DYNC2I2: variants seen among roughly 807,000 people sequenced by gnomAD.
The protein encoded by DYNC2I2 is cytoplasmic dynein 2 intermediate chain 2.
A neutral mutation model predicts 52.0 loss-of-function variants in DYNC2I2; 39 were observed. The observed-to-expected ratio is 0.75, with a 90% CI of 0.58 to 0.98. The LOEUF (loss-of-function observed/expected upper bound fraction) is 0.98, where lower values mean the gene tolerates loss of function less well. Among genes scored for constraint, DYNC2I2 ranks in the 50% least tolerant of loss-of-function variants. DYNC2I2 has a pLI of 0.00. For synonymous variants in DYNC2I2, 359 were observed against 321.1 expected (o/e 1.12, Z -1.26); for missense variants, 743 against 728.4 (o/e 1.02, Z -0.23).
chr9:128,672,468 A>T, the DYNC2I2 span, among the ~76,000 whole-genome samples: 1 of 151,834 alleles, frequency 6.6e-6, no homozygotes, highest in Non-Finnish European at 1.5e-5. Context: ...TGCTGAGATT[A>T]CAGTTGTGAG....
Position 128,636,393 on chromosome 9 carries a change from G to C in DYNC2I2, c.591C>G (p.Ala197=). The C allele has an allele frequency of 1.9e-6, 3 of 1,610,780 alleles. No individual in the cohort carries two copies. The highest frequency in any genetic ancestry group is 2.2e-5 in the East Asian group (1 of 44,802). ...GCAGGTCTCGCCGGTCCAGGTTCCAGGCACACACGAAGGACTTAAGCGTGC... is the reference window on the plus strand; with the variant it reads ...GCAGGTCTCGCCGGTCCAGGTTCCACGCACACACGAAGGACTTAAGCGTGC... ...DWSTLKSFVC[A]WNLDRRDLRP... Residue 197 remains alanine, a synonymous_variant, in exon 4 of 9, where the codon GCC becomes GCG. Transcript: ENST00000372715.
At chr9:128,669,851 T>C in the DYNC2I2 span, among the ~76,000 whole-genome samples, 1 of 152,176 alleles carries the variant, frequency 6.6e-6, no homozygotes, top group African/African-American at 2.4e-5. Context: ...CTTATATTTT[T>C]TGTATTTTTA....
chr9:128,658,258 C>A (rs1419569637), upstream of DYNC2I2, among the ~76,000 whole-genome samples: 1 of 151,774 alleles, frequency 6.6e-6, no homozygotes, highest in Admixed American at 6.6e-5. Flanking sequence ...CTCCACCTCC[C>A]CAGTTCAAGC....
At position 128,636,201 on chromosome 9, in the gene DYNC2I2, T is replaced by C. The variant is rs1860408506; in HGVS notation, c.703+80A>G. The C allele has an allele frequency of 2.6e-6, 4 of 1,544,408 alleles. 1 individual carries two copies. Among genetic ancestry groups the C allele is most frequent in the South Asian group, 2.4e-5 (2 of 83,928 alleles). ...TCCTGTCTCCGGGCCAAAGGGCCCA[T>C]GGAAAGCTCCCTTGTGCCCTCTGCA... On this transcript the variant is annotated intron_variant, in intron 4 of 8. Transcript: ENST00000372715.
At chr9:128,636,161 G>A in intron 4 of DYNC2I2, 120 bp downstream of exon 4, 1 of 1,438,018 alleles carries the variant, frequency 7.0e-7, no homozygotes, top group Non-Finnish European at 9.6e-7. Context: ...AGACTGAGAG[G>A]GTCAGGGCCC....
At chr9:128,656,858 C>A, upstream of DYNC2I2, 3 of 928,484 alleles carry the variant, frequency 3.2e-6, no homozygotes, top group Non-Finnish European at 1.5e-6. Flanking sequence ...TCCTGCAAGA[C>A]CTGGAAGAAA....
upstream of DYNC2I2, among the ~76,000 whole-genome samples, chr9:128,661,528 G>A (rs373941395): frequency 2.2e-4 from 33 of 152,170 alleles, no homozygotes; most frequent in South Asian, 6.8e-3. Flanking sequence ...TGAGGCAGGA[G>A]AATCGCTTGA....
At chr9:128,668,234 C>G in the DYNC2I2 span, among the ~76,000 whole-genome samples, 2 of 147,926 alleles carry the variant, frequency 1.4e-5, no homozygotes, top group East Asian at 4.1e-4. Context: ...GCTGGGATTA[C>G]AGGCGTGAGC....
chr9:128,635,554 C>G, intron 5 of DYNC2I2, 104 bp downstream of exon 5: 1 of 1,057,612 alleles, frequency 9.5e-7, no homozygotes, highest in African/African-American at 1.6e-5. Flanking sequence ...ATGCAGGAGG[C>G]AGCTGTCCAA....
the DYNC2I2 span, among the ~76,000 whole-genome samples, chr9:128,673,154 T>C: frequency 6.6e-6 from 1 of 152,228 alleles, no homozygotes; most frequent in Non-Finnish European, 1.5e-5. Flanking sequence ...GAGTTGCTTA[T>C]AATGATCAAA....
upstream of DYNC2I2, among the ~76,000 whole-genome samples, chr9:128,661,367 C>T (rs1860916231): frequency 6.7e-6 from 1 of 150,254 alleles, no homozygotes; most frequent in Admixed American, 6.7e-5. Flanking sequence ...CGCCTGTAAT[C>T]CAGCAATTTG....
the DYNC2I2 span, among the ~76,000 whole-genome samples, chr9:128,682,107 G>C: frequency 1.3e-5 from 2 of 151,138 alleles, no homozygotes; most frequent in Admixed American, 1.3e-4. Flanking sequence ...CGCTCAGGCT[G>C]GCGCAATCTC....
chr9:128,656,530 C>T lies in DYNC2I2; in HGVS notation c.186+11G>A. 1.5e-6 allele frequency: 2 copies of T among 1,348,748 alleles called. No individual in the cohort carries two copies. Among genetic ancestry groups the T allele is most frequent in the South Asian group, 1.8e-5 (1 of 55,414 alleles). The allele number at this position is 1,348,748 out of a possible 1,614,324, so 83.5% of individuals were successfully genotyped here. ...CGCCCGCGTCGCTCCGCGCGGGGCCCGCGCCCTCACCGTCTCCCAGCGGAT... is the reference window on the plus strand; with the variant it reads ...CGCCCGCGTCGCTCCGCGCGGGGCCTGCGCCCTCACCGTCTCCCAGCGGAT... On this transcript the variant is annotated intron_variant, in intron 1 of 8. Transcript: ENST00000372715.
intron 3 of DYNC2I2, 107 bp from the exon 4 acceptor site, chr9:128,636,545 C>G (rs1464476760): frequency 7.9e-7 from 1 of 1,267,442 alleles, no homozygotes; most frequent in African/African-American, 1.5e-5. Context: ...GTCCTTGTCA[C>G]CACCAGACAC....
chr9:128,674,696 T>C, the DYNC2I2 span, among the ~76,000 whole-genome samples: 1 of 152,008 alleles, frequency 6.6e-6, no homozygotes, highest in South Asian at 2.1e-4. Flanking sequence ...TGAGCAGAGA[T>C]TGCACCACTG....
In DYNC2I2 at chr9:128,653,108, T is replaced by C. The variant is rs554303793; in HGVS notation, c.186+3433A>G. ...GCCCAATGTGGTGGCGTGCACCTGT[T>C]ATCCCAGCTACTCAGGAAGCTGAGG... is the stretch of plus-strand genomic sequence containing the variant. On this transcript the variant is annotated intron_variant, in intron 1 of 8. Transcript: ENST00000372715. 6.8e-5 allele frequency among the ~76,000 whole-genome samples: 10 copies of C among 147,818 alleles called. No homozygotes were observed. The South Asian group carries it at 8.5e-4, about 13-fold the overall frequency.
At chr9:128,654,936 T>C (rs983944276) in intron 1 of DYNC2I2, among the ~76,000 whole-genome samples, 1 of 152,116 alleles carries the variant, frequency 6.6e-6, no homozygotes, top group Non-Finnish European at 1.5e-5. Flanking sequence ...AATTTACTTA[T>C]TAAATATACT....
intron 7 of DYNC2I2, 114 bp downstream of exon 7, chr9:128,634,575 C>CA (rs1198451747): frequency 2.3e-6 from 3 of 1,308,898 alleles, no homozygotes; most frequent in Non-Finnish European, 3.1e-6. Context: ...ACACGGGTCT[C>CA]AGAGTGGGCA....
chr9:128,680,187 A>C, the DYNC2I2 span, among the ~76,000 whole-genome samples: 1 of 151,782 alleles, frequency 6.6e-6, no homozygotes, highest in Non-Finnish European at 1.5e-5. Context: ...CAGCCTCCCA[A>C]GTAGCTGGGA....
Sources: allele counts gnomAD v4.1 joint callset (sites outside exome capture counted in the v4.1 genomes callset), GRCh38; gene constraint gnomAD v4.1.1; transcripts MANE v1.5; gene names NCBI Gene and HGNC (gene_info 2026-07-23, HGNC 2026-07-21).